HORMAD2: variants seen among roughly 807,000 people sequenced by gnomAD.
The protein encoded by HORMAD2 is HORMA domain containing 2.
HORMAD2 carries 45 observed loss-of-function variants against 38.8 expected under a neutral mutation model. That is an observed-to-expected ratio of 1.16 (90% CI 0.91 to 1.49). The LOEUF (loss-of-function observed/expected upper bound fraction) is 1.49. Ranked by LOEUF, HORMAD2 falls within the 40% of genes most tolerant of loss-of-function variation. HORMAD2 has a pLI of 0.00. For synonymous variants in HORMAD2, 126 were observed against 122.8 expected (o/e 1.03, Z -0.17); for missense variants, 338 against 367.0 (o/e 0.92, Z 0.65).
intron 1 of HORMAD2, among the ~76,000 whole-genome samples, chr22:30,090,311 C>G (rs1051592234): frequency 6.6e-6 from 1 of 152,082 alleles, no homozygotes; most frequent in African/African-American, 2.4e-5. Flanking sequence ...TGCAGTGAGC[C>G]GAGATCACGC....
At chr22:30,190,458 T>TG in the HORMAD2 span, among the ~76,000 whole-genome samples, 7 of 152,360 alleles carry the variant, frequency 4.6e-5, no homozygotes, top group East Asian at 1.3e-3. Flanking sequence ...GGTTATCTCT[T>TG]GCAGTTACTG....
chr22:30,197,569 C>G, the HORMAD2 span, among the ~76,000 whole-genome samples: 2 of 152,092 alleles, frequency 1.3e-5, no homozygotes, highest in African/African-American at 4.8e-5. Flanking sequence ...TCTTCTGATG[C>G]CCTCAGCAAC....
intron 10 of HORMAD2, among the ~76,000 whole-genome samples, chr22:30,124,930 A>G (rs1298029055): frequency 2.0e-5 from 3 of 152,130 alleles, no homozygotes; most frequent in African/African-American, 4.8e-5. Context: ...ACTTATTGTC[A>G]GGGTTTATGT....
At chr22:30,104,971 T>C (rs1416036307) in intron 5 of HORMAD2, 1 of 152,920 alleles carries the variant, frequency 6.5e-6, no homozygotes, top group Non-Finnish European at 1.5e-5. Context: ...CTATGAAGGG[T>C]GTACAAAATG....
intron 10 of HORMAD2, among the ~76,000 whole-genome samples, chr22:30,126,318 G>A (rs565729112): frequency 2.2e-4 from 34 of 152,066 alleles, no homozygotes; most frequent in Non-Finnish European, 3.5e-4. Context: ...ACAGGCGCCC[G>A]CCACCACACC....
At chr22:30,188,863 C>T in the HORMAD2 span, among the ~76,000 whole-genome samples, 6 of 152,038 alleles carry the variant, frequency 3.9e-5, no homozygotes, top group Non-Finnish European at 7.4e-5. Context: ...GGGCCGGGTG[C>T]GGTGGCTCAT....
At chr22:30,139,727 G>T (rs1923943690) in intron 10 of HORMAD2, among the ~76,000 whole-genome samples, 1 of 151,848 alleles carries the variant, frequency 6.6e-6, no homozygotes, top group South Asian at 2.1e-4. Context: ...TGTTTTAGGT[G>T]CCCTTTGTTA....
At chr22:30,201,663 GCCTCGGCCT>G in the HORMAD2 span, among the ~76,000 whole-genome samples, 1 of 151,810 alleles carries the variant, frequency 6.6e-6, no homozygotes, top group Admixed American at 6.6e-5. Flanking sequence ...TGATCCGCCC[GCCTCGGCCT>G]CCCAAAATGC....
intron 10 of HORMAD2, among the ~76,000 whole-genome samples, chr22:30,127,812 T>C (rs1922991759): frequency 6.6e-6 from 1 of 152,248 alleles, no homozygotes; most frequent in South Asian, 2.1e-4. Flanking sequence ...GTTCCTTATC[T>C]TGGTATTGCA....
At chr22:30,200,942 G>T in the HORMAD2 span, among the ~76,000 whole-genome samples, 2 of 151,980 alleles carry the variant, frequency 1.3e-5, no homozygotes, top group African/African-American at 4.8e-5. Flanking sequence ...TAGAGACAAG[G>T]TTTCACCACG....
downstream of HORMAD2, among the ~76,000 whole-genome samples, chr22:30,179,769 G>A (rs1241232958): frequency 6.6e-6 from 1 of 152,130 alleles, no homozygotes; most frequent in Admixed American, 6.5e-5. Flanking sequence ...GTTGAGAAAG[G>A]GATTGGCCAG....
At chr22:30,167,140 A>G (rs998111634) in intron 10 of HORMAD2, among the ~76,000 whole-genome samples, 11 of 152,148 alleles carry the variant, frequency 7.2e-5, no homozygotes, top group Admixed American at 3.9e-4. Context: ...AGCTGCTGGC[A>G]TTCCTGGTCA....
intron 7 of HORMAD2, among the ~76,000 whole-genome samples, chr22:30,117,900 G>A (rs1209105274): frequency 6.6e-6 from 1 of 152,180 alleles, no homozygotes; most frequent in Non-Finnish European, 1.5e-5. Context: ...AGTGAGGAGA[G>A]CAGATAGCAG....
At chr22:30,099,049 AG>A in intron 3 of HORMAD2, 56 bp downstream of exon 3, 1 of 1,481,730 alleles carries the variant, frequency 6.7e-7, no homozygotes, top group Non-Finnish European at 9.1e-7. Flanking sequence ...TCTATTTAGC[AG>A]GAATAAACCT....
intron 10 of HORMAD2, among the ~76,000 whole-genome samples, chr22:30,174,773 T>C (rs1296613719): frequency 6.6e-6 from 1 of 152,178 alleles, no homozygotes; most frequent in East Asian, 1.9e-4. Context: ...TTTCCTACAG[T>C]CAAACCATAA....
At chr22:30,206,888 C>T in the HORMAD2 span, 69 of 343,370 alleles carry the variant, frequency 2.0e-4, no homozygotes, top group Middle Eastern at 6.0e-4. Flanking sequence ...ACTGCCACCA[C>T]TTCCTGGCAC....
chr22:30,181,813 G>A (rs1188235377), downstream of HORMAD2, among the ~76,000 whole-genome samples: 2 of 152,142 alleles, frequency 1.3e-5, no homozygotes, highest in African/African-American at 4.8e-5. Flanking sequence ...CACATGGAAG[G>A]CAATCAACAT....
chr22:30,131,459 G>A (rs1601553728), intron 10 of HORMAD2, among the ~76,000 whole-genome samples: 1 of 151,924 alleles, frequency 6.6e-6, no homozygotes, highest in Non-Finnish European at 1.5e-5. Flanking sequence ...CTTTTTTCTA[G>A]GCCTTTCTTT....
rs1228163447 is a variant in HORMAD2 at position 30,088,154 on chromosome 22, T to TACACGTATACCTATGTATACATATATAC, written c.-37-5760_-37-5733dup. Among the ~76,000 whole-genome samples, 158 of 131,260 alleles carry TACACGTATACCTATGTATACATATATAC rather than the reference T, an allele frequency of 1.2e-3. 1 individual carries two copies. Among genetic ancestry groups the TACACGTATACCTATGTATACATATATAC allele is most frequent in the Non-Finnish European group, 2.1e-3 (127 of 60,100 alleles). 86.1% of individuals were successfully genotyped at this position (131,260 alleles called of 152,430 possible). On this transcript the variant is annotated intron_variant, in intron 1 of 10. Transcript: ENST00000336726. ...ACATGTGTACATATACACATATGTA[T>TACACGTATACCTATGTATACATATATAC]ACACGTATACCTATGTATACATATA... is the stretch of plus-strand genomic sequence containing the variant.
Sources: allele counts gnomAD v4.1 joint callset (sites outside exome capture counted in the v4.1 genomes callset), GRCh38; gene constraint gnomAD v4.1.1; transcripts MANE v1.5; gene names NCBI Gene and HGNC (gene_info 2026-07-23, HGNC 2026-07-21).